PRKN: variants seen among roughly 807,000 people sequenced by gnomAD.
PRKN encodes E3 ubiquitin-protein ligase parkin.
A neutral mutation model predicts 59.5 loss-of-function variants in PRKN; 56 were observed. The observed-to-expected ratio is 0.94, with a 90% confidence interval of 0.76 to 1.18. The LOEUF is 1.18. PRKN is among the 50% of genes most tolerant of loss of function. The probability of loss-of-function intolerance (pLI) is 0.00; values close to 1 mark genes in which losing one functional copy is unlikely to be tolerated. For missense variants in PRKN, 657 were observed against 596.4 expected (o/e 1.10, Z -1.06); for synonymous variants, 250 against 222.1 (o/e 1.13, Z -1.12).
intron 5 of PRKN, among the ~76,000 whole-genome samples, chr6:162,014,320 C>T (rs1355472283): frequency 6.6e-6 from 1 of 152,172 alleles, no homozygotes; most frequent in African/African-American, 2.4e-5. Flanking sequence ...TTTCAGAGCC[C>T]CCGGCCAGTC....
At chr6:162,065,095 G>GGGA (rs1181347587) in intron 4 of PRKN, among the ~76,000 whole-genome samples, 2 of 152,204 alleles carry the variant, frequency 1.3e-5, no homozygotes, top group African/African-American at 4.8e-5. Context: ...GAGTTTATTA[G>GGGA]GGAGAATTGG....
chr6:161,810,403 G>T (rs1427399027), intron 6 of PRKN, among the ~76,000 whole-genome samples: 1 of 152,152 alleles, frequency 6.6e-6, no homozygotes, highest in East Asian at 1.9e-4. Context: ...TTTTAGTTTT[G>T]TCTAAGAAAA....
chr6:162,272,999 GA>G (rs548215878), intron 2 of PRKN, among the ~76,000 whole-genome samples: 1,180 of 54,988 alleles, frequency 0.021, 3 homozygotes, highest in African/African-American at 0.059. Context: ...GCCTGTGTCT[GA>G]AAAAAAAAAA....
At chr6:161,828,783 A>C (rs1266198664) in intron 6 of PRKN, among the ~76,000 whole-genome samples, 1 of 152,124 alleles carries the variant, frequency 6.6e-6, no homozygotes, top group African/African-American at 2.4e-5. Context: ...CAAAAACATT[A>C]GTTGGGTCTG....
chr6:161,695,407 T>C (rs1223064947), intron 7 of PRKN, among the ~76,000 whole-genome samples: 1 of 152,168 alleles, frequency 6.6e-6, no homozygotes, highest in East Asian at 1.9e-4. Flanking sequence ...CCTAACACTT[T>C]TGTTGCTCTT....
At chr6:162,043,042 G>A (rs1195540354) in intron 5 of PRKN, among the ~76,000 whole-genome samples, 3 of 152,158 alleles carry the variant, frequency 2.0e-5, no homozygotes, top group Non-Finnish European at 4.4e-5. Context: ...AATCATGGCG[G>A]GAGGTGAAAA....
chr6:161,777,862 A>G (rs979036431), intron 7 of PRKN, among the ~76,000 whole-genome samples: 6 of 144,678 alleles, frequency 4.1e-5, no homozygotes, highest in African/African-American at 1.5e-4. Context: ...ATGTGTATAT[A>G]TGTATATGTA....
At chr6:162,132,849 A>AAAAAT (rs1484205429) in intron 4 of PRKN, among the ~76,000 whole-genome samples, 27 of 152,248 alleles carry the variant, frequency 1.8e-4, no homozygotes, top group African/African-American at 6.0e-4. Context: ...CTTAGAGGAG[A>AAAAAT]CGGCTTAGAG....
chr6:162,026,301 C>G (rs1481779716), intron 5 of PRKN, among the ~76,000 whole-genome samples: 1 of 152,282 alleles, frequency 6.6e-6, no homozygotes, highest in East Asian at 1.9e-4. Flanking sequence ...ACGTGTGATG[C>G]CTTCTGCTAA....
intron 1 of PRKN, among the ~76,000 whole-genome samples, chr6:162,564,982 G>A (rs1458266869): frequency 6.6e-6 from 1 of 152,104 alleles, no homozygotes; most frequent in Admixed American, 6.5e-5. Context: ...TGTAACTGTG[G>A]TGTGTAAACT....
At chr6:162,105,032 G>A (rs969960055) in intron 4 of PRKN, among the ~76,000 whole-genome samples, 7 of 152,112 alleles carry the variant, frequency 4.6e-5, no homozygotes, top group African/African-American at 7.2e-5. Context: ...CATAGCTTAC[G>A]TATCTGTGGT....
intron 2 of PRKN, among the ~76,000 whole-genome samples, chr6:162,289,810 T>A (rs1387762729): frequency 6.6e-6 from 1 of 152,122 alleles, no homozygotes; most frequent in African/African-American, 2.4e-5. Context: ...GCCTCTGCTG[T>A]GGCAGCAAGA....
chr6:161,909,821 T>C (rs984673603), intron 6 of PRKN, among the ~76,000 whole-genome samples: 5 of 152,222 alleles, frequency 3.3e-5, no homozygotes, highest in Non-Finnish European at 5.9e-5. Flanking sequence ...GATGACTAAA[T>C]GGAGTCAATG....
intron 7 of PRKN, among the ~76,000 whole-genome samples, chr6:161,660,837 C>T (rs183166847): frequency 6.6e-6 from 1 of 152,266 alleles, no homozygotes; most frequent in South Asian, 2.1e-4. Context: ...TTTGAACATC[C>T]CATTGGATGC....
chr6:162,341,202 G>A (rs1241942605), intron 2 of PRKN, among the ~76,000 whole-genome samples: 2 of 152,084 alleles, frequency 1.3e-5, no homozygotes, highest in Non-Finnish European at 2.9e-5. Flanking sequence ...CAAAACCACA[G>A]TGAGATACCA....
chr6:161,398,557 C>T (rs1786878434), intron 9 of PRKN, among the ~76,000 whole-genome samples: 1 of 152,178 alleles, frequency 6.6e-6, no homozygotes, highest in Non-Finnish European at 1.5e-5. Context: ...CTCAGGAACT[C>T]CACTCAGAAT....
At chr6:161,517,214 T>C (rs1034257235) in intron 9 of PRKN, among the ~76,000 whole-genome samples, 4 of 152,300 alleles carry the variant, frequency 2.6e-5, no homozygotes, top group East Asian at 3.9e-4. Flanking sequence ...AGTGTGAGTT[T>C]GTTTGGCTGG....
intron 10 of PRKN, among the ~76,000 whole-genome samples, chr6:161,382,292 TA>T (rs1786029491): frequency 6.6e-6 from 1 of 151,950 alleles, no homozygotes; most frequent in Admixed American, 6.6e-5. Context: ...TGGGAGGAGG[TA>T]ACATGATCTG....
intron 1 of PRKN, among the ~76,000 whole-genome samples, chr6:162,695,906 C>T (rs527817051): frequency 7.9e-5 from 12 of 152,262 alleles, no homozygotes; most frequent in African/African-American, 2.6e-4. Context: ...CAAATATTGG[C>T]TAACCTCCTA....
Sources: allele counts gnomAD v4.1 joint callset (sites outside exome capture counted in the v4.1 genomes callset), GRCh38; gene constraint gnomAD v4.1.1; transcripts MANE v1.5; gene names NCBI Gene and HGNC (gene_info 2026-07-23, HGNC 2026-07-21).